Variants in FAM13B observed in about 807,000 individuals in gnomAD.
The protein encoded by FAM13B is family with sequence similarity 13 member B.
FAM13B carries 60 observed loss-of-function variants against 117.3 expected under a neutral mutation model. The ratio of observed to expected loss-of-function variants is 0.51; its 90% CI spans 0.42 to 0.63. FAM13B has a LOEUF of 0.63. Ranked by LOEUF, FAM13B falls within the 30% of genes least tolerant of loss-of-function variation. The pLI is 0.00. For synonymous variants in FAM13B, 332 were observed against 356.1 expected (o/e 0.93, Z 0.76); for missense variants, 972 against 1,091.9 (o/e 0.89, Z 1.55).
intron 13 of FAM13B, 59 bp from the exon 14 acceptor site, chr5:137,956,601 C>T (rs1766629374): frequency 1.6e-6 from 2 of 1,275,266 alleles, no homozygotes; most frequent in African/African-American, 1.5e-5. Flanking sequence ...ACAGTCAGAA[C>T]AAACCATACA....
At chr5:137,966,611 T>C (rs1011785128) in intron 10 of FAM13B, among the ~76,000 whole-genome samples, 1 of 150,580 alleles carries the variant, frequency 6.6e-6, no homozygotes, top group African/African-American at 2.4e-5. Flanking sequence ...AAACACCTCA[T>C]TAAAGAAGAT....
chr5:137,969,738 G>T (rs1451677735), intron 10 of FAM13B, among the ~76,000 whole-genome samples: 1 of 151,952 alleles, frequency 6.6e-6, no homozygotes, highest in Non-Finnish European at 1.5e-5. Context: ...TGTATAACTA[G>T]AATAACCAAT....
intron 2 of FAM13B, among the ~76,000 whole-genome samples, chr5:138,019,511 C>T (rs541509427): frequency 9.8e-5 from 15 of 152,296 alleles, no homozygotes; most frequent in Admixed American, 7.8e-4. Context: ...AATCCAAACC[C>T]GTTCTGGACT....
intron 10 of FAM13B, among the ~76,000 whole-genome samples, chr5:137,967,935 C>G (rs1334537445): frequency 2.0e-5 from 3 of 151,520 alleles, no homozygotes; most frequent in African/African-American, 7.3e-5. Context: ...ATAAAAATGT[C>G]AATGTAGGCC....
intron 7 of FAM13B, 53 bp from the exon 8 acceptor site, chr5:137,988,368 C>T (rs1361231273): frequency 6.3e-6 from 9 of 1,432,754 alleles, no homozygotes; most frequent in Non-Finnish European, 8.5e-6. Context: ...TTAATAACTA[C>T]AAAATGTGCT....
chr5:138,012,664 G>T (rs1433119631), intron 4 of FAM13B, among the ~76,000 whole-genome samples: 1 of 152,146 alleles, frequency 6.6e-6, no homozygotes, highest in African/African-American at 2.4e-5. Context: ...ACTAATTGGT[G>T]AGGATCCCAT....
chr5:137,999,106 T>TC (rs1299039427), intron 7 of FAM13B, among the ~76,000 whole-genome samples: 16 of 148,890 alleles, frequency 1.1e-4, no homozygotes, highest in Middle Eastern at 7.0e-3. Flanking sequence ...TTCAGGGTCT[T>TC]TTTTTTTTTT....
upstream of FAM13B, among the ~76,000 whole-genome samples, chr5:138,035,155 G>A (rs545541684): frequency 3.3e-5 from 5 of 151,526 alleles, no homozygotes; most frequent in East Asian, 9.7e-4. Context: ...TGGGACTACA[G>A]GGACATGCCA....
intron 10 of FAM13B, among the ~76,000 whole-genome samples, chr5:137,974,321 A>C (rs1773233229): frequency 1.3e-5 from 2 of 152,016 alleles, no homozygotes; most frequent in South Asian, 4.2e-4. Flanking sequence ...GACATGGATG[A>C]AATTGGAAAT....
upstream of FAM13B, chr5:138,036,208 T>G (rs1225786417): frequency 2.8e-6 from 1 of 353,050 alleles, no homozygotes; most frequent in Non-Finnish European, 5.6e-6. Flanking sequence ...GGCAGTAAAG[T>G]GTTTTGTCCA....
At chr5:137,953,315 T>TG (rs1484612542) in intron 16 of FAM13B, 21 bp downstream of exon 16, 4 of 1,612,728 alleles carry the variant, frequency 2.5e-6, no homozygotes, top group Non-Finnish European at 3.4e-6. Flanking sequence ...AAGCTCACTC[T>TG]GGGGAATGCT....
intron 10 of FAM13B, among the ~76,000 whole-genome samples, chr5:137,974,005 T>C (rs2150426101): frequency 7.1e-6 from 1 of 139,950 alleles, no homozygotes; most frequent in Non-Finnish European, 1.5e-5. Context: ...ACACTGTTGG[T>C]GGGACTGTAA....
At chr5:137,964,586 T>C (rs1198671103) in intron 10 of FAM13B, among the ~76,000 whole-genome samples, 6 of 151,174 alleles carry the variant, frequency 4.0e-5, no homozygotes, top group African/African-American at 1.5e-4. Flanking sequence ...CCGGGCGTGG[T>C]AGCACACACC....
At position 137,938,061 on chromosome 5, in the gene FAM13B, T is replaced by C. The variant is rs1295610882; in HGVS notation, c.*2164A>G. 6.6e-6 allele frequency: 1 copy of C among 152,214 alleles called. No individual in the cohort carries two copies. The highest frequency in any genetic ancestry group is 1.9e-4 in the East Asian group (1 of 5,202). The allele number at this position is 152,214 out of a possible 1,614,324, so 9.4% of individuals were successfully genotyped here. A position where few individuals can be genotyped will look rare whatever the true frequency, so the allele number is the denominator to read the frequency against. ...GACATATATATCTATATATTATTTG[T>C]ATATAGATATACAGTTTTTATTTGT... On this transcript the variant is annotated 3_prime_UTR_variant, in exon 24 of 24. Coordinates refer to ENST00000689681, the MANE Select transcript of FAM13B (RefSeq NM_001385994.1).
upstream of FAM13B, among the ~76,000 whole-genome samples, chr5:138,035,413 T>TGGAAGATATATTCTC (rs750430356): frequency 6.2e-4 from 94 of 152,284 alleles, no homozygotes; most frequent in Admixed American, 1.1e-3. Flanking sequence ...AACATATTCT[T>TGGAAGATATATTCTC]GGAAGATATA....
Position 137,982,994 on chromosome 5 carries a change from A to G in FAM13B, c.1179+2263T>C, listed in dbSNP as rs191461923. 3.9e-5 allele frequency among the ~76,000 whole-genome samples: 6 copies of G among 152,198 alleles called. No homozygotes were observed. In the East Asian group the frequency reaches 1.2e-3, roughly 29 times the overall value. On this transcript the variant is annotated intron_variant, in intron 10 of 23. Coordinates refer to ENST00000689681, the MANE Select transcript of FAM13B (RefSeq NM_001385994.1). ...TCCAAAACAGGTCTGGACTCGAGAT[A>G]CAAATTTGGGAATCAGTAGCACATA...
chr5:137,947,294 A>G (rs1003686549), intron 18 of FAM13B, among the ~76,000 whole-genome samples: 12 of 152,258 alleles, frequency 7.9e-5, no homozygotes, highest in African/African-American at 1.2e-4. Flanking sequence ...TATAACAAAT[A>G]TAACTTTAGA....
intron 22 of FAM13B, 193 bp downstream of exon 22, chr5:137,942,682 G>T: frequency 1.8e-6 from 1 of 554,002 alleles, no homozygotes; most frequent in Non-Finnish European, 3.0e-6. Flanking sequence ...TTTAATTTTT[G>T]AAATACAGTA....
At chr5:137,956,149 ATTTAG>A (rs928766759) in intron 14 of FAM13B, among the ~76,000 whole-genome samples, 1 of 152,178 alleles carries the variant, frequency 6.6e-6, no homozygotes, top group Non-Finnish European at 1.5e-5. Context: ...TAAGAACATA[ATTTAG>A]TTTGTTTTTG....
Sources: allele counts gnomAD v4.1 joint callset (sites outside exome capture counted in the v4.1 genomes callset), GRCh38; gene constraint gnomAD v4.1.1; transcripts MANE v1.5; gene names NCBI Gene and HGNC (gene_info 2026-07-23, HGNC 2026-07-21).